BCAS3: variants seen among roughly 807,000 people sequenced by gnomAD.
The protein encoded by BCAS3 is BCAS4/BCAS3 fusion.
Under a neutral mutation model 116.1 loss-of-function variants are expected in BCAS3, and 53 were observed. The observed-to-expected ratio is 0.46, with a 90% CI of 0.37 to 0.57. The LOEUF (loss-of-function observed/expected upper bound fraction) is 0.57. Ranked by LOEUF, BCAS3 falls within the 20% of genes least tolerant of loss-of-function variation. BCAS3 has a pLI of 0.00. For synonymous variants in BCAS3, 391 were observed against 408.2 expected (o/e 0.96, Z 0.51); for missense variants, 917 against 1,165.4 (o/e 0.79, Z 3.10).
chr17:61,191,217 G>C (rs531276770), intron 22 of BCAS3, among the ~76,000 whole-genome samples: 1 of 152,214 alleles, frequency 6.6e-6, no homozygotes, highest in East Asian at 1.9e-4. Flanking sequence ...AGTGAGCTCT[G>C]ATTGCACCAC....
rs1473523841 is a variant in BCAS3, at chr17:61,130,149, C to G, written c.2425+45585C>G. Reference sequence around the variant, plus strand: ...TTGTAATCACATATTTGGTGGACAGCTAAAAGACCCACTTTCACCTTAACT... The same window carrying G: ...TTGTAATCACATATTTGGTGGACAGGTAAAAGACCCACTTTCACCTTAACT... On this transcript the variant is annotated intron_variant, in intron 22 of 23. Coordinates refer to ENST00000407086, the MANE Select transcript of BCAS3 (RefSeq NM_017679.5). This position sits in a 1 kb window ranked among gnomAD's most constrained non-coding sequence, Gnocchi z 5.0. Among the ~76,000 whole-genome samples, 1 of 152,162 alleles carries G rather than the reference C, an allele frequency of 6.6e-6. No homozygotes were observed. Among genetic ancestry groups the G allele is most frequent in the African/African-American group, 2.4e-5 (1 of 41,444 alleles).
chr17:61,317,433 C>T (rs1438546486), intron 22 of BCAS3, among the ~76,000 whole-genome samples: 3 of 152,222 alleles, frequency 2.0e-5, no homozygotes, highest in African/African-American at 4.8e-5. Flanking sequence ...CTTTCCCACA[C>T]ACCTGCTTTG....
intron 12 of BCAS3, among the ~76,000 whole-genome samples, chr17:60,924,105 A>G (rs958434714): frequency 3.3e-5 from 5 of 152,204 alleles, no homozygotes; most frequent in African/African-American, 1.2e-4. Flanking sequence ...AAAGAATTGA[A>G]AATAGTTGAT....
At chr17:61,153,264 C>T (rs1313515196) in intron 22 of BCAS3, among the ~76,000 whole-genome samples, 2 of 152,108 alleles carry the variant, frequency 1.3e-5, no homozygotes, top group African/African-American at 2.4e-5. Flanking sequence ...CCGACTTGTC[C>T]TTCAGTGTGG....
chr17:60,680,184 T>C (rs1052705296), intron 2 of BCAS3, among the ~76,000 whole-genome samples: 1 of 150,370 alleles, frequency 6.7e-6, no homozygotes, highest in African/African-American at 2.4e-5. Context: ...AATAGAAAAT[T>C]AGAAAATATA....
chr17:61,067,760 AACAC>A lies in BCAS3; in HGVS notation c.2030-7154_2030-7151del, dbSNP rs1055391642. 2.7e-5 allele frequency among the ~76,000 whole-genome samples: 4 copies of A among 147,778 alleles called. No individual in the cohort carries two copies. The East Asian group carries it at 7.7e-4, about 29-fold the overall frequency. ...AAAAAAATATATATATATATATAGA[AACAC>A]ACACATGTATACACAGAAGCCCATA... is the stretch of plus-strand genomic sequence containing the variant. On this transcript the variant is annotated intron_variant, in intron 19 of 23. Transcript: ENST00000407086.
intron 6 of BCAS3, among the ~76,000 whole-genome samples, chr17:60,748,763 G>A (rs2042206321): frequency 1.3e-5 from 2 of 152,096 alleles, no homozygotes; most frequent in Non-Finnish European, 2.9e-5. Flanking sequence ...TTATTTAGAA[G>A]TAGATTTAAT....
intron 6 of BCAS3, among the ~76,000 whole-genome samples, chr17:60,758,981 ATT>A (rs778345782): frequency 1.4e-4 from 20 of 140,664 alleles, no homozygotes; most frequent in Admixed American, 3.6e-4. Flanking sequence ...GTCTGAGAAG[ATT>A]TTTTTTTTTT....
chr17:61,007,168 C>A lies in BCAS3; in HGVS notation c.1487-8583C>A, dbSNP rs2064773486. ...TTTTATATTTCAGTAGAATTCCTCACAGCTAGTTCTATTATTTTTCCCTTT... is the reference window on the plus strand; with the variant it reads ...TTTTATATTTCAGTAGAATTCCTCAAAGCTAGTTCTATTATTTTTCCCTTT... On this transcript the variant is annotated intron_variant, in intron 15 of 23. Coordinates refer to ENST00000407086, the MANE Select transcript of BCAS3 (RefSeq NM_017679.5). The surrounding 1 kb of genome is among the most constrained non-coding windows in gnomAD (Gnocchi z 4.3). 6.6e-6 allele frequency among the ~76,000 whole-genome samples: 1 copy of A among 152,012 alleles called. No homozygotes were observed. The highest frequency in any genetic ancestry group is 2.1e-4 in the South Asian group (1 of 4,836).
At position 60,967,506 on chromosome 17, in the gene BCAS3, G is replaced by A. The variant is rs1824439886; in HGVS notation, c.1221+20154G>A. Among the ~76,000 whole-genome samples the A allele has an allele frequency of 2.0e-5, 3 of 152,070 alleles. No individual in the cohort carries two copies. Among genetic ancestry groups the A allele is most frequent in the Non-Finnish European group, 2.9e-5 (2 of 68,028 alleles). On this transcript the variant is annotated intron_variant, in intron 14 of 23. Transcript: ENST00000407086. This position sits in a 1 kb window ranked among gnomAD's most constrained non-coding sequence, Gnocchi z 4.7. Reference sequence around the variant, plus strand: ...ACCTTTGAGAGTTTCATTATTATACGTGTTAGAGTACTTTTATTTGGGTTG... The same window carrying A: ...ACCTTTGAGAGTTTCATTATTATACATGTTAGAGTACTTTTATTTGGGTTG...
rs1191976428 is a variant in BCAS3, at chr17:61,073,584, C to A, written c.2030-1336C>A. Among the ~76,000 whole-genome samples, 1 of 152,162 alleles carries A rather than the reference C, an allele frequency of 6.6e-6. No homozygotes were observed. The highest frequency in any genetic ancestry group is 1.5e-5 in the Non-Finnish European group (1 of 68,032). ...ATATATTAAGAAATTTATATATTTA[C>A]ATCCTCTGATTTCATATGTAGGAAT... On this transcript the variant is annotated intron_variant, in intron 19 of 23. Transcript: ENST00000407086. The surrounding 1 kb of genome is among the most constrained non-coding windows in gnomAD (Gnocchi z 4.6).
chr17:61,329,858 A>G (rs1035225662), intron 22 of BCAS3, among the ~76,000 whole-genome samples: 4 of 152,150 alleles, frequency 2.6e-5, no homozygotes, highest in Non-Finnish European at 4.4e-5. Context: ...GACGCCGCTT[A>G]CCTGCTCAGT....
Position 61,054,722 on chromosome 17 carries a change from A to G in BCAS3, c.2029+13830A>G, listed in dbSNP as rs370368979. Among the ~76,000 whole-genome samples the G allele has an allele frequency of 1.3e-4, 20 of 152,312 alleles. 1 individual carries two copies. The highest frequency in any genetic ancestry group is 5.2e-4 in the Admixed American group (8 of 15,292). On this transcript the variant is annotated intron_variant, in intron 19 of 23. Transcript: ENST00000407086. ...GAAGTGAAACAAAAGGAATGTCTCTATAAAGGGCTGCTTTTTACTTTTTAA... is the reference window on the plus strand; with the variant it reads ...GAAGTGAAACAAAAGGAATGTCTCTGTAAAGGGCTGCTTTTTACTTTTTAA...
At position 61,380,981 on chromosome 17, in the gene BCAS3, T is replaced by TG. The variant is rs1568983167; in HGVS notation, c.2594-10994dup. Among the ~76,000 whole-genome samples, 1 of 152,220 alleles carries TG rather than the reference T, an allele frequency of 6.6e-6. No individual in the cohort carries two copies. Among genetic ancestry groups the TG allele is most frequent in the Non-Finnish European group, 1.5e-5 (1 of 68,030 alleles). ...GCCTGGAGCTGGCCCCTAGTATAAT[T>TG]GGTGCTGTCTCTATTTTTACATCAT... On this transcript the variant is annotated intron_variant, in intron 23 of 23. Coordinates refer to ENST00000407086, the MANE Select transcript of BCAS3 (RefSeq NM_017679.5). This position sits in a 1 kb window ranked among gnomAD's most constrained non-coding sequence, Gnocchi z 4.2.
chr17:60,683,854 A>G, intron 2 of BCAS3, 128 bp from the exon 3 acceptor site: 1 of 833,190 alleles, frequency 1.2e-6, no homozygotes. Context: ...AACAAAACAA[A>G]CAAAAAAACC....
At chr17:60,931,489 C>T (rs1454097132) in intron 13 of BCAS3, among the ~76,000 whole-genome samples, 1 of 152,078 alleles carries the variant, frequency 6.6e-6, no homozygotes, top group Non-Finnish European at 1.5e-5. Flanking sequence ...GTTGCACGGG[C>T]TGGTCTCAAA....
chr17:61,181,601 T>G lies in BCAS3; in HGVS notation c.2425+97037T>G, dbSNP rs541321333. 6.6e-6 allele frequency among the ~76,000 whole-genome samples: 1 copy of G among 152,326 alleles called. No individual in the cohort carries two copies. The highest frequency in any genetic ancestry group is 1.9e-4 in the East Asian group (1 of 5,182). On this transcript the variant is annotated intron_variant, in intron 22 of 23. Coordinates refer to ENST00000407086, the MANE Select transcript of BCAS3 (RefSeq NM_017679.5). The surrounding 1 kb of genome is among the most constrained non-coding windows in gnomAD (Gnocchi z 5.0). ...CCACTAATTGGTGTTTCTTTCTGAG[T>G]TGCCAAATGCTGAGAAAGCAGACAG...
chr17:60,687,026 TTATTTTCTC>T (rs1414886277), intron 3 of BCAS3, among the ~76,000 whole-genome samples: 1 of 152,166 alleles, frequency 6.6e-6, no homozygotes, highest in Non-Finnish European at 1.5e-5. Flanking sequence ...ACTATGGAAA[TTATTTTCTC>T]TATAGTGAGC....
rs772784912 is a variant in BCAS3 at position 61,346,074 on chromosome 17, C to T, written c.2426-22253C>T. Among the ~76,000 whole-genome samples, 30 of 152,098 alleles carry T rather than the reference C, an allele frequency of 2.0e-4. No individual in the cohort carries two copies. The highest frequency in any genetic ancestry group is 3.7e-4 in the Non-Finnish European group (25 of 68,034). ...TGCACCTGACATCATACTTTTAGTGCTTGGCAGGAGTGGTTGAGAAGGTAA... is the reference window on the plus strand; with the variant it reads ...TGCACCTGACATCATACTTTTAGTGTTTGGCAGGAGTGGTTGAGAAGGTAA... On this transcript the variant is annotated intron_variant, in intron 22 of 23. Coordinates refer to ENST00000407086, the MANE Select transcript of BCAS3 (RefSeq NM_017679.5). This position sits in a 1 kb window ranked among gnomAD's most constrained non-coding sequence, Gnocchi z 5.4.
Sources: gnomAD v4.1 joint callset for allele counts (sites outside exome capture counted in the v4.1 genomes callset) on GRCh38, gnomAD v4.1.1 for gene constraint, Gnocchi (gnomAD v3.1) non-coding constraint, MANE v1.5 for transcripts, NCBI Gene and HGNC (gene_info 2026-07-23, HGNC 2026-07-21) for gene names.